Variants in ASIC2 observed in about 807,000 individuals in gnomAD.
ASIC2 encodes the protein acid-sensing ion channel 2.
Under a neutral mutation model 57.3 loss-of-function variants are expected in ASIC2, and 25 were observed. The ratio of observed to expected loss-of-function variants is 0.44; its 90% confidence interval spans 0.32 to 0.61. The LOEUF (loss-of-function observed/expected upper bound fraction) is 0.61. ASIC2 is among the 20% of genes least tolerant of loss of function. ASIC2 has a pLI of 0.06. For synonymous variants in ASIC2, 319 were observed against 307.5 expected (o/e 1.04, Z -0.39); for missense variants, 641 against 738.1 (o/e 0.87, Z 1.52).
At chr17:33,623,246 G>T (rs200615370) in intron 1 of ASIC2, among the ~76,000 whole-genome samples, 143 of 14,240 alleles carry the variant, frequency 0.01, no homozygotes, top group East Asian at 0.028. Flanking sequence ...GTTTTTTTTT[G>T]TTTGTTTGTT....
chr17:33,784,607 AC>A (rs1258640399), intron 1 of ASIC2, among the ~76,000 whole-genome samples: 1 of 152,262 alleles, frequency 6.6e-6, no homozygotes, highest in Non-Finnish European at 1.5e-5. Context: ...CATCATTGCA[AC>A]AAAATTATAA....
In ASIC2 at chr17:34,045,953, T is replaced by C. The variant is rs182207137; in HGVS notation, c.555+110025A>G. Among the ~76,000 whole-genome samples the C allele has an allele frequency of 1.4e-3, 217 of 152,142 alleles. 1 individual carries two copies. Among genetic ancestry groups the C allele is most frequent in the African/African-American group, 4.6e-3 (189 of 41,502 alleles). ...CACCATGCCAGTTTAGAGTATAGGG[T>C]TTTGGGGACCAGAAAACTCCCACTT... is the stretch of plus-strand genomic sequence containing the variant. On this transcript the variant is annotated intron_variant, in intron 1 of 9. Coordinates refer to the ASIC2 transcript ENST00000359872.
chr17:33,307,727 C>A (rs182522609), intron 1 of ASIC2, among the ~76,000 whole-genome samples: 7 of 152,308 alleles, frequency 4.6e-5, no homozygotes, highest in Admixed American at 4.6e-4. Flanking sequence ...GGTGGGGGAA[C>A]TTGAGGAAGG....
chr17:33,579,248 T>TG (rs1284008269), intron 1 of ASIC2, among the ~76,000 whole-genome samples: 1 of 142,084 alleles, frequency 7.0e-6, no homozygotes, highest in Non-Finnish European at 1.5e-5. Context: ...ATCACACCAT[T>TG]GCACTCCAGC....
intron 1 of ASIC2, among the ~76,000 whole-genome samples, chr17:33,613,442 G>A (rs952762867): frequency 6.8e-6 from 1 of 146,710 alleles, no homozygotes; most frequent in African/African-American, 2.5e-5. Context: ...TCGGCTCACT[G>A]CAAGCTCCGC....
At chr17:33,489,662 C>A (rs183396229) in intron 1 of ASIC2, among the ~76,000 whole-genome samples, 35 of 152,334 alleles carry the variant, frequency 2.3e-4, no homozygotes, top group African/African-American at 8.4e-4. Flanking sequence ...GACCCAACCT[C>A]CAGCTGAAAC....
At chr17:33,391,438 A>G (rs534416923) in intron 1 of ASIC2, among the ~76,000 whole-genome samples, 4 of 152,372 alleles carry the variant, frequency 2.6e-5, no homozygotes, top group East Asian at 3.9e-4. Flanking sequence ...TTTGGCTTCC[A>G]TGAGACCACA....
At chr17:33,156,653 G>A (rs1202877109) in intron 1 of ASIC2, among the ~76,000 whole-genome samples, 1 of 151,954 alleles carries the variant, frequency 6.6e-6, no homozygotes, top group African/African-American at 2.4e-5. Context: ...CTACTCAGGA[G>A]GCTGAGGCAG....
intron 3 of ASIC2, among the ~76,000 whole-genome samples, chr17:33,062,257 G>C (rs1021358401): frequency 6.6e-6 from 1 of 152,086 alleles, no homozygotes; most frequent in African/African-American, 2.4e-5. Context: ...TGATGTTAGG[G>C]TGTCAATTTT....
intron 1 of ASIC2, among the ~76,000 whole-genome samples, chr17:33,439,402 G>A (rs1911746908): frequency 6.6e-6 from 1 of 152,196 alleles, no homozygotes; most frequent in Non-Finnish European, 1.5e-5. Flanking sequence ...ACTGTATGGA[G>A]TGAAACAGTG....
At chr17:34,082,116 T>C (rs983997543) in intron 1 of ASIC2, 1 of 152,218 alleles carries the variant, frequency 6.6e-6, no homozygotes, top group Non-Finnish European at 1.5e-5. Context: ...CCCAGCATGC[T>C]TAAAGGTCTT....
At chr17:33,489,094 C>T (rs1362835956) in intron 1 of ASIC2, among the ~76,000 whole-genome samples, 1 of 152,184 alleles carries the variant, frequency 6.6e-6, no homozygotes, top group Non-Finnish European at 1.5e-5. Flanking sequence ...GTCCAGAAGT[C>T]TAGAGTGAGA....
chr17:33,531,912 G>C (rs1450773407), intron 1 of ASIC2, among the ~76,000 whole-genome samples: 4 of 152,200 alleles, frequency 2.6e-5, no homozygotes, highest in Admixed American at 6.5e-5. Flanking sequence ...GGTTTTCCAG[G>C]TGAGGTCAAG....
At chr17:33,961,471 G>T (rs1219048917) in intron 1 of ASIC2, among the ~76,000 whole-genome samples, 1 of 152,178 alleles carries the variant, frequency 6.6e-6, no homozygotes, top group East Asian at 1.9e-4. Flanking sequence ...GAGTATCATG[G>T]GAAATTCTGC....
intron 1 of ASIC2, among the ~76,000 whole-genome samples, chr17:33,658,633 G>A (rs1347270068): frequency 1.3e-5 from 2 of 152,168 alleles, no homozygotes; most frequent in Non-Finnish European, 2.9e-5. Flanking sequence ...CACGGTGGAA[G>A]GGGCAAAAGG....
chr17:33,840,347 G>A (rs1913396632), intron 1 of ASIC2, among the ~76,000 whole-genome samples: 1 of 152,134 alleles, frequency 6.6e-6, no homozygotes, highest in Non-Finnish European at 1.5e-5. Context: ...GGGTTTTTGA[G>A]ATGAATTTCA....
intron 1 of ASIC2, among the ~76,000 whole-genome samples, chr17:33,945,739 A>T (rs1248807860): frequency 6.6e-6 from 1 of 152,176 alleles, no homozygotes; most frequent in Non-Finnish European, 1.5e-5. Context: ...AAGCTCCGTG[A>T]TCTGACTCAG....
chr17:33,869,384 T>C (rs1006407326), intron 1 of ASIC2, among the ~76,000 whole-genome samples: 5 of 152,220 alleles, frequency 3.3e-5, no homozygotes, highest in African/African-American at 1.2e-4. Flanking sequence ...CAAGTCCGCT[T>C]TTAGGTATAT....
At chr17:33,674,834 T>G (rs1907762446) in intron 1 of ASIC2, among the ~76,000 whole-genome samples, 1 of 152,170 alleles carries the variant, frequency 6.6e-6, no homozygotes. Flanking sequence ...AGCTCAGAAG[T>G]CTGTCTTAGG....
Sources: gnomAD v4.1 joint callset for allele counts (sites outside exome capture counted in the v4.1 genomes callset) on GRCh38, gnomAD v4.1.1 for gene constraint, MANE v1.5 for transcripts, NCBI Gene and HGNC (gene_info 2026-07-23, HGNC 2026-07-21) for gene names.